Variants in ERC2 observed in about 807,000 individuals in gnomAD.
The protein encoded by ERC2 is ERC protein 2.
A neutral mutation model predicts 114.8 loss-of-function variants in ERC2; 42 were observed. The ratio of observed to expected loss-of-function variants is 0.37; its 90% confidence interval spans 0.29 to 0.47. The LOEUF is 0.47. Among genes scored for constraint, ERC2 ranks in the 20% least tolerant of loss-of-function variants. The probability of loss-of-function intolerance (pLI) is 0.99; values close to 1 mark genes in which losing one functional copy is unlikely to be tolerated. For missense variants in ERC2, 939 were observed against 1,150.7 expected (o/e 0.82, Z 2.66); for synonymous variants, 454 against 425.5 (o/e 1.07, Z -0.82).
At chr3:55,861,563 T>C (rs1302710109) in intron 14 of ERC2, among the ~76,000 whole-genome samples, 1 of 152,242 alleles carries the variant, frequency 6.6e-6, no homozygotes, top group African/African-American at 2.4e-5. Flanking sequence ...CTGTTTTAAT[T>C]ACTCTAAAGT....
At chr3:55,866,387 T>C (rs2062315588) in intron 14 of ERC2, among the ~76,000 whole-genome samples, 1 of 152,202 alleles carries the variant, frequency 6.6e-6, no homozygotes, top group Non-Finnish European at 1.5e-5. Context: ...TTTTGAAATA[T>C]GACTTGCAAA....
intron 16 of ERC2, 95 bp from the exon 17 acceptor site, chr3:55,683,954 G>A: frequency 1.5e-6 from 2 of 1,342,568 alleles, no homozygotes; most frequent in South Asian, 1.3e-5. Flanking sequence ...CACTGGAAAG[G>A]CACACTAATC....
At chr3:56,044,918 T>C (rs2075382114) in intron 7 of ERC2, among the ~76,000 whole-genome samples, 1 of 152,184 alleles carries the variant, frequency 6.6e-6, no homozygotes, top group Non-Finnish European at 1.5e-5. Flanking sequence ...AGACAATTTA[T>C]TTTGTTATTG....
chr3:56,239,888 T>C (rs2051212786), intron 3 of ERC2, among the ~76,000 whole-genome samples: 1 of 152,230 alleles, frequency 6.6e-6, no homozygotes, highest in South Asian at 2.1e-4. Context: ...TCCTCCAATG[T>C]AGAAAACAAA....
intron 6 of ERC2, among the ~76,000 whole-genome samples, chr3:56,113,826 G>A (rs574026791): frequency 1.5e-4 from 23 of 152,192 alleles, no homozygotes; most frequent in Non-Finnish European, 2.4e-4. Context: ...AGGGGTTCCC[G>A]TAATCCCCTC....
intron 8 of ERC2, among the ~76,000 whole-genome samples, chr3:56,017,751 G>A (rs1023880): frequency 0.32 from 48,207 of 151,942 alleles, 8,743 homozygotes; most frequent in East Asian, 0.53. Context: ...GGAATGTCAC[G>A]TATTTATTGT....
chr3:55,942,472 T>C (rs6779729), intron 13 of ERC2, among the ~76,000 whole-genome samples: 9 of 147,792 alleles, frequency 6.1e-5, no homozygotes, highest in African/African-American at 2.0e-4. Flanking sequence ...TTTTTTTTTG[T>C]ATTTTTAGTA....
At chr3:56,240,183 C>T (rs558420401) in intron 3 of ERC2, among the ~76,000 whole-genome samples, 3 of 152,112 alleles carry the variant, frequency 2.0e-5, no homozygotes, top group East Asian at 1.9e-4. Flanking sequence ...GTAATGGACA[C>T]GAAGAACAAT....
chr3:56,282,176 C>T (rs2054393296), intron 3 of ERC2, among the ~76,000 whole-genome samples: 1 of 152,170 alleles, frequency 6.6e-6, no homozygotes, highest in South Asian at 2.1e-4. Flanking sequence ...CCGCAAGTCT[C>T]CTGTAAATTT....
chr3:55,817,517 A>G (rs1320447132), intron 14 of ERC2, among the ~76,000 whole-genome samples: 1 of 152,214 alleles, frequency 6.6e-6, no homozygotes, highest in Non-Finnish European at 1.5e-5. Flanking sequence ...CAGGTTGCAA[A>G]TAAGCGATAT....
chr3:56,271,021 T>G (rs1477807553), intron 3 of ERC2, among the ~76,000 whole-genome samples: 1 of 152,170 alleles, frequency 6.6e-6, no homozygotes. Context: ...AAAACCAGCC[T>G]TGTACTTTCT....
At chr3:55,965,793 G>A (rs891161557) in intron 12 of ERC2, among the ~76,000 whole-genome samples, 10 of 152,084 alleles carry the variant, frequency 6.6e-5, no homozygotes, top group Non-Finnish European at 1.2e-4. Context: ...TCTTCTTCTC[G>A]TAACTCAAAC....
chr3:56,084,157 G>A (rs891636548), intron 6 of ERC2, among the ~76,000 whole-genome samples: 3 of 152,022 alleles, frequency 2.0e-5, no homozygotes, highest in African/African-American at 7.2e-5. Flanking sequence ...CAAAACTACA[G>A]TGAGAATACC....
intron 17 of ERC2, among the ~76,000 whole-genome samples, chr3:55,521,863 C>T (rs1360934136): frequency 6.6e-6 from 1 of 152,140 alleles, no homozygotes; most frequent in Non-Finnish European, 1.5e-5. Flanking sequence ...TGGCCTGGGT[C>T]GGTTGTGGTC....
intron 3 of ERC2, among the ~76,000 whole-genome samples, chr3:56,174,673 G>C (rs2082870887): frequency 6.6e-6 from 1 of 152,118 alleles, no homozygotes; most frequent in Non-Finnish European, 1.5e-5. Flanking sequence ...TACTATCACT[G>C]TCACTTCAAA....
intron 3 of ERC2, among the ~76,000 whole-genome samples, chr3:56,189,378 G>A (rs191010240): frequency 5.6e-4 from 86 of 152,252 alleles, no homozygotes; most frequent in Admixed American, 2.4e-3. Context: ...GAAAAGCTGC[G>A]GCTTCTAATT....
intron 7 of ERC2, among the ~76,000 whole-genome samples, chr3:56,055,477 TA>T (rs2075973601): frequency 6.6e-6 from 1 of 152,216 alleles, no homozygotes; most frequent in Non-Finnish European, 1.5e-5. Context: ...AATTTTATTG[TA>T]ATCCATGGCC....
At chr3:56,099,251 G>T (rs1419036751) in intron 6 of ERC2, among the ~76,000 whole-genome samples, 1 of 152,150 alleles carries the variant, frequency 6.6e-6, no homozygotes, top group African/African-American at 2.4e-5. Context: ...GCAACACCTT[G>T]ATTTCTGATT....
At chr3:55,762,398 C>T (rs1242139687) in intron 14 of ERC2, among the ~76,000 whole-genome samples, 4 of 152,168 alleles carry the variant, frequency 2.6e-5, no homozygotes, top group African/African-American at 7.2e-5. Context: ...CTGCAATGCA[C>T]CTGATATTGA....
Sources: gnomAD v4.1 joint callset for allele counts (sites outside exome capture counted in the v4.1 genomes callset) on GRCh38, gnomAD v4.1.1 for gene constraint, MANE v1.5 for transcripts, NCBI Gene and HGNC (gene_info 2026-07-23, HGNC 2026-07-21) for gene names.